ARMC2: variants seen among roughly 807,000 people sequenced by gnomAD.
The protein encoded by ARMC2 is armadillo repeat containing 2, also known as armadillo repeat-containing protein 2.
In ARMC2, 67 loss-of-function variants were observed where a neutral mutation model predicts 90.3. The observed-to-expected ratio is 0.74, with a 90% CI of 0.61 to 0.91. The LOEUF (loss-of-function observed/expected upper bound fraction) is 0.91. Ranked by LOEUF, ARMC2 falls within the 40% of genes least tolerant of loss-of-function variation. The pLI, the probability that ARMC2 is intolerant of heterozygous loss-of-function variation, is 0.00. For synonymous variants in ARMC2, 393 were observed against 393.0 expected, an observed-to-expected ratio of 1.00 and a Z score of 0.00; for missense variants, 920 against 1,030.9, an observed-to-expected ratio of 0.89 and a Z score of 1.47.
At chr6:109,027,093 C>T in the ARMC2 span, among the ~76,000 whole-genome samples, 1 of 152,120 alleles carries the variant, frequency 6.6e-6, no homozygotes, top group South Asian at 2.1e-4. Flanking sequence ...TCGCTTGAAT[C>T]TGGGAGGTGT....
At chr6:108,988,746 A>G in the ARMC2 span, 1 of 1,335,000 alleles carries the variant, frequency 7.5e-7, no homozygotes. Context: ...TTTTCATCTT[A>G]CAAAAGTATA....
chr6:108,993,741 A>C, the ARMC2 span, among the ~76,000 whole-genome samples: 2 of 151,974 alleles, frequency 1.3e-5, no homozygotes, highest in East Asian at 1.9e-4. Flanking sequence ...AAATCATATA[A>C]TTTTTGTTGT....
chr6:108,920,375 A>G (rs1041642489), intron 10 of ARMC2, among the ~76,000 whole-genome samples: 28 of 152,054 alleles, frequency 1.8e-4, no homozygotes, highest in African/African-American at 6.5e-4. Flanking sequence ...GTTAATGGGA[A>G]GGAGACAGCT....
intron 12 of ARMC2, among the ~76,000 whole-genome samples, chr6:108,948,874 T>G (rs1340642436): frequency 6.6e-6 from 1 of 152,086 alleles, no homozygotes; most frequent in Non-Finnish European, 1.5e-5. Flanking sequence ...TGATGACCAC[T>G]AAGGAAATCT....
chr6:108,964,511 C>T (rs913596538), intron 16 of ARMC2, among the ~76,000 whole-genome samples, 199 bp downstream of exon 16: 3 of 152,090 alleles, frequency 2.0e-5, no homozygotes, highest in Non-Finnish European at 4.4e-5. Context: ...TGGTGGCTCG[C>T]ACCTGTAATC....
the ARMC2 span, among the ~76,000 whole-genome samples, chr6:109,006,433 T>G: frequency 6.6e-6 from 1 of 151,608 alleles, no homozygotes; most frequent in Non-Finnish European, 1.5e-5. Flanking sequence ...TATCTCCTAA[T>G]GCTATCCCTC....
chr6:108,893,771 C>T (rs1041564383), intron 5 of ARMC2, among the ~76,000 whole-genome samples: 18 of 152,288 alleles, frequency 1.2e-4, no homozygotes, highest in African/African-American at 4.3e-4. Flanking sequence ...AATCCCAGCA[C>T]TTTGGGAGGC....
intron 4 of ARMC2, among the ~76,000 whole-genome samples, chr6:108,875,096 C>T (rs1256242082): frequency 1.3e-5 from 2 of 152,114 alleles, no homozygotes; most frequent in African/African-American, 2.4e-5. Context: ...GAGATTTACT[C>T]TCTTCCCCTT....
At chr6:108,989,643 AAAT>A in the ARMC2 span, among the ~76,000 whole-genome samples, 12 of 150,368 alleles carry the variant, frequency 8.0e-5, no homozygotes, top group African/African-American at 2.7e-4. Flanking sequence ...TTGTATAAAT[AAAT>A]AAAATAAAAA....
chr6:109,025,902 A>G, the ARMC2 span, among the ~76,000 whole-genome samples: 1 of 152,112 alleles, frequency 6.6e-6, no homozygotes, highest in African/African-American at 2.4e-5. Flanking sequence ...TAATATTCTA[A>G]GACACGATGG....
At chr6:108,927,990 G>A in intron 10 of ARMC2, 98 bp from the exon 11 acceptor site, 1 of 1,249,186 alleles carries the variant, frequency 8.0e-7, no homozygotes, top group Non-Finnish European at 1.1e-6. Context: ...CTTAGCTACT[G>A]ATATAAGGAA....
At chr6:108,866,043 T>C (rs959336952) in intron 3 of ARMC2, among the ~76,000 whole-genome samples, 1 of 149,556 alleles carries the variant, frequency 6.7e-6, no homozygotes, top group Non-Finnish European at 1.5e-5. Context: ...AAAAAAGATC[T>C]CTCATTTAGT....
the ARMC2 span, among the ~76,000 whole-genome samples, chr6:109,030,623 A>G: frequency 2.0e-5 from 3 of 152,210 alleles, no homozygotes; most frequent in Non-Finnish European, 2.9e-5. Context: ...CACAAAGGAA[A>G]AAAATAAGTC....
intron 10 of ARMC2, 106 bp downstream of exon 10, chr6:108,912,664 G>T: frequency 9.6e-7 from 1 of 1,044,618 alleles, no homozygotes; most frequent in African/African-American, 1.6e-5. Flanking sequence ...GCCAGGTGTG[G>T]GTGCCTGGCC....
chr6:108,873,981 G>A (rs1395847205), intron 4 of ARMC2, among the ~76,000 whole-genome samples: 1 of 152,188 alleles, frequency 6.6e-6, no homozygotes, highest in Non-Finnish European at 1.5e-5. Flanking sequence ...TACAGGGTGT[G>A]GTATATAACA....
At chr6:109,012,019 C>T in the ARMC2 span, among the ~76,000 whole-genome samples, 1 of 152,130 alleles carries the variant, frequency 6.6e-6, no homozygotes, top group Non-Finnish European at 1.5e-5. Flanking sequence ...AAAGTATTTT[C>T]CAAGGATTTC....
At chr6:108,879,711 G>A (rs1777330610) in intron 5 of ARMC2, among the ~76,000 whole-genome samples, 1 of 152,106 alleles carries the variant, frequency 6.6e-6, no homozygotes, top group Non-Finnish European at 1.5e-5. Flanking sequence ...TCATGGTTTG[G>A]AAATGGGATC....
chr6:109,010,294 T>C, the ARMC2 span, among the ~76,000 whole-genome samples: 5 of 152,214 alleles, frequency 3.3e-5, no homozygotes, highest in Admixed American at 3.3e-4. Flanking sequence ...ACTGACATTG[T>C]TGGGCCCAGA....
downstream of ARMC2, among the ~76,000 whole-genome samples, chr6:108,977,014 C>T (rs1490420501): frequency 6.6e-6 from 1 of 152,158 alleles, no homozygotes; most frequent in Non-Finnish European, 1.5e-5. Context: ...TGCCTGATTG[C>T]CCTGGCCAGA....
Sources: gnomAD v4.1 joint callset for allele counts (sites outside exome capture counted in the v4.1 genomes callset) on GRCh38, gnomAD v4.1.1 for gene constraint, MANE v1.5 for transcripts, NCBI Gene and HGNC (gene_info 2026-07-23, HGNC 2026-07-21) for gene names.